Variants in NXPH1 observed in about 807,000 individuals in gnomAD.
The protein encoded by NXPH1 is neurexophilin-1.
Under a neutral mutation model 23.7 loss-of-function variants are expected in NXPH1, and 5 were observed. The observed-to-expected ratio is 0.21, with a 90% CI of 0.11 to 0.44. The LOEUF (loss-of-function observed/expected upper bound fraction) is 0.44. NXPH1 is among the 20% of genes least tolerant of loss of function. NXPH1 has a pLI of 0.99. For synonymous variants in NXPH1, 144 were observed against 122.2 expected (o/e 1.18, Z -1.18); for missense variants, 324 against 321.6 (o/e 1.01, Z -0.06).
At chr7:8,561,287 G>A (rs1399926981) in intron 2 of NXPH1, among the ~76,000 whole-genome samples, 1 of 150,262 alleles carries the variant, frequency 6.7e-6, no homozygotes, top group Non-Finnish European at 1.5e-5. Flanking sequence ...ATAGCAAATT[G>A]CCCTTAGGTA....
intron 2 of NXPH1, among the ~76,000 whole-genome samples, chr7:8,586,777 G>A (rs1348558226): frequency 6.6e-6 from 1 of 151,998 alleles, no homozygotes; most frequent in East Asian, 1.9e-4. Context: ...ATTTTTCTTT[G>A]TGTTGGTTTT....
chr7:8,605,772 A>G (rs1415998329), intron 2 of NXPH1, among the ~76,000 whole-genome samples: 1 of 152,100 alleles, frequency 6.6e-6, no homozygotes, highest in African/African-American at 2.4e-5. Context: ...ATCAAATAAG[A>G]TTAGGAAGAA....
chr7:8,707,706 G>T (rs1234493793), intron 2 of NXPH1, among the ~76,000 whole-genome samples: 1 of 152,064 alleles, frequency 6.6e-6, no homozygotes, highest in East Asian at 1.9e-4. Flanking sequence ...ATATTCAAAG[G>T]CCTAACTCTA....
At chr7:8,506,033 A>G (rs1315017349) in intron 2 of NXPH1, among the ~76,000 whole-genome samples, 1 of 152,122 alleles carries the variant, frequency 6.6e-6, no homozygotes, top group African/African-American at 2.4e-5. Context: ...AAAAGCATTC[A>G]AGAGTTTCAC....
intron 2 of NXPH1, among the ~76,000 whole-genome samples, chr7:8,611,829 T>G (rs1268688694): frequency 2.0e-5 from 3 of 152,096 alleles, no homozygotes; most frequent in Non-Finnish European, 4.4e-5. Context: ...AGGGCTCTTT[T>G]GTGTGTTCTT....
At chr7:8,645,883 A>G (rs1820391932) in intron 2 of NXPH1, among the ~76,000 whole-genome samples, 1 of 152,058 alleles carries the variant, frequency 6.6e-6, no homozygotes, top group African/African-American at 2.4e-5. Flanking sequence ...TTATAGGTCC[A>G]ATTCTTTGTT....
At chr7:8,679,919 G>A (rs540316726) in intron 2 of NXPH1, among the ~76,000 whole-genome samples, 8 of 152,360 alleles carry the variant, frequency 5.3e-5, no homozygotes, top group African/African-American at 1.7e-4. Flanking sequence ...TACTAAGGAG[G>A]CTGAGGCAGT....
intron 2 of NXPH1, among the ~76,000 whole-genome samples, chr7:8,734,564 T>A (rs1441808289): frequency 1.3e-5 from 2 of 152,192 alleles, no homozygotes; most frequent in Non-Finnish European, 2.9e-5. Flanking sequence ...CAGTGATTTG[T>A]TATGATTTCC....
intron 2 of NXPH1, among the ~76,000 whole-genome samples, chr7:8,578,436 TAGAC>T (rs1333870487): frequency 2.0e-5 from 3 of 152,160 alleles, no homozygotes; most frequent in Non-Finnish European, 4.4e-5. Flanking sequence ...CCTCAGCAAA[TAGAC>T]AGTTACAATT....
At chr7:8,663,240 G>A (rs994406505) in intron 2 of NXPH1, among the ~76,000 whole-genome samples, 4 of 152,064 alleles carry the variant, frequency 2.6e-5, no homozygotes, top group East Asian at 1.9e-4. Context: ...GTCCCCCATC[G>A]TTGAATTCTG....
At chr7:8,578,742 G>A (rs1331516974) in intron 2 of NXPH1, among the ~76,000 whole-genome samples, 1 of 152,134 alleles carries the variant, frequency 6.6e-6, no homozygotes, top group Non-Finnish European at 1.5e-5. Context: ...TGCTGCCAAG[G>A]ATCAGGCATA....
chr7:8,583,732 C>G (rs1349771179), intron 2 of NXPH1, among the ~76,000 whole-genome samples: 5 of 152,222 alleles, frequency 3.3e-5, no homozygotes, highest in Admixed American at 3.3e-4. Flanking sequence ...AGACATTTGC[C>G]AGGTGGTCAG....
chr7:8,508,624 T>C (rs187545252), intron 2 of NXPH1, among the ~76,000 whole-genome samples: 3 of 152,032 alleles, frequency 2.0e-5, no homozygotes, highest in Admixed American at 6.6e-5. Context: ...ATTTGTGAGA[T>C]CTCATATTTG....
intron 2 of NXPH1, among the ~76,000 whole-genome samples, chr7:8,672,966 A>T (rs968611889): frequency 5.9e-5 from 9 of 152,132 alleles, no homozygotes; most frequent in Non-Finnish European, 8.8e-5. Context: ...ATCTTGCTTT[A>T]TTACTTACCA....
chr7:8,648,659 C>A (rs965588771), intron 2 of NXPH1, among the ~76,000 whole-genome samples: 1 of 152,152 alleles, frequency 6.6e-6, no homozygotes, highest in African/African-American at 2.4e-5. Context: ...TTACATAAAT[C>A]CCTCATGTGT....
rs115623611 is a variant in NXPH1 at position 8,672,730 on chromosome 7, G to A, written c.55-78278G>A. Among the ~76,000 whole-genome samples, 8 of 152,262 alleles carry A rather than the reference G, an allele frequency of 5.3e-5. No individual in the cohort carries two copies. The East Asian group carries it at 1.5e-3, about 29-fold the overall frequency. ...CGACCTAAGTGGTTTCAACTTATAC[G>A]AACACTGTGTGCTAACAGCTGTGGG... On this transcript the variant is annotated intron_variant, in intron 2 of 2. Coordinates refer to ENST00000405863, the MANE Select transcript of NXPH1 (RefSeq NM_152745.3).
chr7:8,662,028 G>A (rs1269919322), intron 2 of NXPH1, among the ~76,000 whole-genome samples: 2 of 151,938 alleles, frequency 1.3e-5, no homozygotes, highest in South Asian at 2.1e-4. Flanking sequence ...AATATATCAA[G>A]TAAGTTAAAA....
Position 8,433,779 on chromosome 7 carries a change from C to G in NXPH1, c.-1087C>G, listed in dbSNP as rs1244246932. Among the ~76,000 whole-genome samples, 1 of 152,136 alleles carries G rather than the reference C, an allele frequency of 6.6e-6. No individual in the cohort carries two copies. The highest frequency in any genetic ancestry group is 1.9e-4 in the East Asian group (1 of 5,178). ...ACGCGACTCCCGGCTGCTCTTCCCGCCACTCCCCTGGGCTTTGCGATCTTC... is the reference window on the plus strand; with the variant it reads ...ACGCGACTCCCGGCTGCTCTTCCCGGCACTCCCCTGGGCTTTGCGATCTTC... On this transcript the variant is annotated 5_prime_UTR_variant, in exon 1 of 3. Transcript: ENST00000405863. This position sits in a 1 kb window ranked among gnomAD's most constrained non-coding sequence, Gnocchi z 6.8.
intron 2 of NXPH1, among the ~76,000 whole-genome samples, chr7:8,682,545 G>A (rs989191758): frequency 1.3e-5 from 2 of 152,102 alleles, no homozygotes; most frequent in African/African-American, 2.4e-5. Context: ...ACAAATAAGA[G>A]GCAAGACTTT....
Sources: gnomAD v4.1 joint callset for allele counts (sites outside exome capture counted in the v4.1 genomes callset) on GRCh38, gnomAD v4.1.1 for gene constraint, Gnocchi (gnomAD v3.1) non-coding constraint, MANE v1.5 for transcripts, NCBI Gene and HGNC (gene_info 2026-07-23, HGNC 2026-07-21) for gene names.